The following ZRANB3 variants were observed in gnomAD, a reference collection of about 807,000 sequenced individuals.
ZRANB3 encodes the protein DNA annealing helicase and endonuclease ZRANB3.
A neutral mutation model predicts 133.8 loss-of-function variants in ZRANB3; 125 were observed. The observed-to-expected ratio is 0.93, with a 90% CI of 0.81 to 1.08. ZRANB3 has a LOEUF of 1.08. ZRANB3 is among the 50% of genes least tolerant of loss of function. The probability of loss-of-function intolerance (pLI) is 0.00; values close to 1 mark genes in which losing one functional copy is unlikely to be tolerated. For missense variants in ZRANB3, 1,229 were observed against 1,275.5 expected (o/e 0.96, Z 0.56); for synonymous variants, 387 against 432.7 (o/e 0.89, Z 1.31).
Position 135,407,674 on chromosome 2 carries a change from C to G in ZRANB3, c.162-16854G>C, listed in dbSNP as rs376965521. Among the ~76,000 whole-genome samples the G allele has an allele frequency of 5.9e-5, 9 of 151,836 alleles. No homozygotes were observed. The East Asian group carries it at 1.4e-3, about 23-fold the overall frequency. On this transcript the variant is annotated intron_variant, in intron 2 of 20. Coordinates refer to ENST00000264159, the MANE Select transcript of ZRANB3 (RefSeq NM_032143.4). ...AGACCTCAGAAATAATGCCGAATAT[C>G]TACAGTCATCTGATCTTTGACAAAC...
At chr2:135,514,307 C>T (rs1384727641) in intron 1 of ZRANB3, among the ~76,000 whole-genome samples, 1 of 152,098 alleles carries the variant, frequency 6.6e-6, no homozygotes, top group Admixed American at 6.5e-5. Context: ...TGTGCCCTCT[C>T]TTATTTCCTT....
At chr2:135,363,808 T>C (rs1248342586) in intron 3 of ZRANB3, among the ~76,000 whole-genome samples, 3 of 152,190 alleles carry the variant, frequency 2.0e-5, no homozygotes, top group Non-Finnish European at 4.4e-5. Context: ...TCAATAGAAA[T>C]GGACTTTTAA....
intron 17 of ZRANB3, among the ~76,000 whole-genome samples, chr2:135,215,248 TG>T (rs1391357520): frequency 6.6e-5 from 10 of 151,900 alleles, no homozygotes; most frequent in South Asian, 6.3e-4. Flanking sequence ...ATTTAATTTT[TG>T]TTTTGTTTTA....
chr2:135,315,446 A>C lies in ZRANB3; in HGVS notation c.762T>G (p.Ile254Met), dbSNP rs777142674. 1 of 1,602,714 alleles carries C rather than the reference A, an allele frequency of 6.2e-7. No homozygotes were observed. Among genetic ancestry groups the C allele is most frequent in the African/African-American group, 1.3e-5 (1 of 74,412 alleles). The change falls in exon 7 of 21, where the codon ATT (isoleucine) becomes ATG (methionine). Residue 254 changes from isoleucine (I) to methionine (M), a missense_variant. Transcript: ENST00000264159. ...ELHQLLSDIMIRRLKTEVLTQ... is the reference protein window; with the variant it reads ...ELHQLLSDIMMRRLKTEVLTQ... ...TTAAAACTTCAGTCTTTAATCTTCTAATCATTATGTCACTTAATAGCTGGT... is the reference window on the plus strand; with the variant it reads ...TTAAAACTTCAGTCTTTAATCTTCTCATCATTATGTCACTTAATAGCTGGT...
chr2:135,522,027 G>T (rs778515400), intron 1 of ZRANB3, among the ~76,000 whole-genome samples: 14 of 152,296 alleles, frequency 9.2e-5, no homozygotes, highest in South Asian at 2.1e-4. Flanking sequence ...CAGCTCTGCA[G>T]CATGCCACAG....
At chr2:135,220,613 G>A (rs560168050) in intron 15 of ZRANB3, among the ~76,000 whole-genome samples, 34 of 147,070 alleles carry the variant, frequency 2.3e-4, no homozygotes, top group African/African-American at 7.0e-4. Context: ...CAGGAGAATC[G>A]CTTGAACCCG....
intron 16 of ZRANB3, 76 bp from the exon 17 acceptor site, chr2:135,217,683 C>T (rs1020426569): frequency 6.6e-6 from 10 of 1,508,186 alleles, no homozygotes; most frequent in Non-Finnish European, 5.3e-6. Flanking sequence ...CTATTTACAA[C>T]ATCAGAAAAC....
intron 8 of ZRANB3, among the ~76,000 whole-genome samples, chr2:135,293,045 T>A (rs934456990): frequency 1.3e-5 from 2 of 152,078 alleles, no homozygotes; most frequent in African/African-American, 4.8e-5. Context: ...TCCAGCTTTG[T>A]TCTTTTGGCT....
At chr2:135,511,078 C>T (rs1017562852) in intron 1 of ZRANB3, 15 of 769,878 alleles carry the variant, frequency 1.9e-5, no homozygotes, top group Non-Finnish European at 3.1e-5. Flanking sequence ...ATCTGAGATT[C>T]AGGCTTAGAC....
intron 2 of ZRANB3, among the ~76,000 whole-genome samples, chr2:135,493,285 A>T (rs989364718): frequency 1.3e-4 from 19 of 149,638 alleles, no homozygotes; most frequent in African/African-American, 1.9e-4. Flanking sequence ...ATAAAAGGAA[A>T]ACTTGATGAA....
intron 13 of ZRANB3, 100 bp from the exon 14 acceptor site, chr2:135,228,115 T>A: frequency 1.1e-5 from 11 of 995,450 alleles, no homozygotes; most frequent in South Asian, 1.8e-5. Flanking sequence ...AAGTGAATAA[T>A]GTTTATTCAT....
intron 8 of ZRANB3, among the ~76,000 whole-genome samples, chr2:135,294,980 G>C (rs1032508546): frequency 2.6e-5 from 4 of 152,040 alleles, no homozygotes; most frequent in African/African-American, 9.7e-5. Context: ...TATAATTTCT[G>C]TTCTTTTACA....
intron 7 of ZRANB3, among the ~76,000 whole-genome samples, chr2:135,314,775 G>C (rs1198929731): frequency 1.3e-5 from 2 of 149,782 alleles, no homozygotes; most frequent in African/African-American, 4.9e-5. Context: ...TTGAGATGGA[G>C]TCTCGCTCTG....
At position 135,227,825 on chromosome 2, in the gene ZRANB3, G is replaced by C; in HGVS notation, c.2145C>G (p.Ser715=). The change falls in exon 14 of 21, where the codon TCC becomes TCG. Residue 715 remains serine (S), a synonymous_variant. Coordinates refer to ENST00000264159, the MANE Select transcript of ZRANB3 (RefSeq NM_032143.4). The stretch of plus-strand genomic sequence containing the variant: ...AACAAGACTTACCATTACCTGGCTG[G>C]GATGTAAGTCCGTCTTCTTTCTCAA... ...PKIEKEDGLT[S]QPGNEQWKSS... 6.4e-7 allele frequency: 1 copy of C among 1,573,492 alleles called. No individual in the cohort carries two copies. The highest frequency in any genetic ancestry group is 1.3e-5 in the African/African-American group (1 of 74,474).
intron 18 of ZRANB3, 76 bp downstream of exon 18, chr2:135,208,792 T>A (rs1302305522): frequency 3.0e-5 from 39 of 1,294,138 alleles, no homozygotes; most frequent in Non-Finnish European, 4.1e-5. Flanking sequence ...AGGTGAGATA[T>A]TATTATGAAA....
intron 6 of ZRANB3, among the ~76,000 whole-genome samples, chr2:135,325,947 C>A (rs1278837729): frequency 3.3e-5 from 5 of 152,094 alleles, no homozygotes; most frequent in Admixed American, 1.3e-4. Flanking sequence ...CATGAGGATG[C>A]AGGCAGCAGA....
chr2:135,451,422 C>A (rs542857884), intron 2 of ZRANB3, among the ~76,000 whole-genome samples: 1 of 152,014 alleles, frequency 6.6e-6, no homozygotes, highest in South Asian at 2.1e-4. Flanking sequence ...CTTAGCCAGG[C>A]AAAGTGGCAC....
At chr2:135,220,028 C>T (rs750954977) in intron 15 of ZRANB3, among the ~76,000 whole-genome samples, 7 of 151,978 alleles carry the variant, frequency 4.6e-5, no homozygotes, top group Admixed American at 6.6e-5. Flanking sequence ...CGTTCCACCA[C>T]GCCTGGCTAA....
intron 3 of ZRANB3, among the ~76,000 whole-genome samples, chr2:135,364,693 A>G (rs1685844218): frequency 6.6e-6 from 1 of 152,158 alleles, no homozygotes; most frequent in Non-Finnish European, 1.5e-5. Context: ...CGAAGGTTGC[A>G]GTGAGCTGAG....
Sources: allele counts gnomAD v4.1 joint callset (sites outside exome capture counted in the v4.1 genomes callset), GRCh38; gene constraint gnomAD v4.1.1; transcripts MANE v1.5; gene names NCBI Gene and HGNC (gene_info 2026-07-23, HGNC 2026-07-21).